Variants in TSPAN11 observed in about 807,000 individuals in gnomAD.
TSPAN11 encodes the protein tetraspanin-11.
TSPAN11 carries 29 observed loss-of-function variants against 32.9 expected under a neutral mutation model. That is an observed-to-expected ratio of 0.88 (90% CI 0.66 to 1.20). The LOEUF (loss-of-function observed/expected upper bound fraction) is 1.20. TSPAN11 is among the 50% of genes most tolerant of loss of function. The probability of loss-of-function intolerance (pLI) is 0.00; values close to 1 mark genes in which losing one functional copy is unlikely to be tolerated. For synonymous variants in TSPAN11, 140 were observed against 141.3 expected, an observed-to-expected ratio of 0.99 and a Z score of 0.07; for missense variants, 283 against 329.1, an observed-to-expected ratio of 0.86 and a Z score of 1.08.
chr12:31,007,332 C>T, the TSPAN11 span, among the ~76,000 whole-genome samples: 37 of 152,110 alleles, frequency 2.4e-4, no homozygotes, highest in African/African-American at 8.7e-4. Flanking sequence ...CACACCCAGA[C>T]CCACAAACCC....
At chr12:30,956,695 C>G (rs533282096) in intron 2 of TSPAN11, among the ~76,000 whole-genome samples, 4 of 146,464 alleles carry the variant, frequency 2.7e-5, no homozygotes, top group African/African-American at 1.0e-4. Context: ...CTGTGGCCAC[C>G]CAGGAGATGT....
chr12:30,949,083 C>T (rs906995091), intron 1 of TSPAN11, among the ~76,000 whole-genome samples: 2 of 152,190 alleles, frequency 1.3e-5, no homozygotes, highest in African/African-American at 2.4e-5. Context: ...CCAACAAGTT[C>T]CTCATCTCCA....
chr12:30,957,837 C>T (rs529930169), intron 2 of TSPAN11, among the ~76,000 whole-genome samples: 3 of 10,894 alleles, frequency 2.8e-4, no homozygotes, highest in Non-Finnish European at 5.7e-4. Context: ...CCCTCCCTCC[C>T]TCCTTCCTTC....
At chr12:31,001,375 C>A (rs1192832095), downstream of TSPAN11, among the ~76,000 whole-genome samples, 1 of 152,176 alleles carries the variant, frequency 6.6e-6, no homozygotes, top group Non-Finnish European at 1.5e-5. Flanking sequence ...GGGCCTCCTT[C>A]TCCCCAGGTT....
chr12:30,982,534 C>G lies in TSPAN11; in HGVS notation c.459C>G (p.Phe153Leu). The G allele has an allele frequency of 6.2e-7, 1 of 1,604,368 alleles. No homozygotes were observed. The highest frequency in any genetic ancestry group is 2.2e-5 in the East Asian group (1 of 44,592). The change falls in exon 6 of 8, where the codon TTC becomes TTG. Residue 153 changes from phenylalanine to leucine, a missense_variant and splice_region_variant. Transcript: ENST00000546076. ...TCTGCCTCTGCCTCTGCCTCCAGTT[C>G]AAGTGCTGTGGAAGCAACAGCTCAG... ...TASVDRLQQDFKCCGSNSSAD... is the reference protein window; with the variant it reads ...TASVDRLQQDLKCCGSNSSAD...
chr12:30,975,242 A>G lies in TSPAN11; in HGVS notation c.277-3319A>G, dbSNP rs1425927416. Among the ~76,000 whole-genome samples the G allele has an allele frequency of 1.3e-5, 2 of 152,146 alleles. No individual in the cohort carries two copies. The highest frequency in any genetic ancestry group is 1.3e-4 in the Admixed American group (2 of 15,280). ...AGAGGTGACAGGTCTGTCAGAGCCC[A>G]TGACCTCACCCGGCTGAAGTCCCAG... On this transcript the variant is annotated intron_variant, in intron 3 of 7. Coordinates refer to ENST00000546076, the MANE Select transcript of TSPAN11 (RefSeq NM_001370302.1). The surrounding 1 kb of genome is among the most constrained non-coding windows in gnomAD (Gnocchi z 4.5).
At chr12:30,963,692 A>AT (rs1938660832) in intron 2 of TSPAN11, 134 bp from the exon 3 acceptor site, 2 of 969,470 alleles carry the variant, frequency 2.1e-6, no homozygotes, top group Admixed American at 5.8e-5. Flanking sequence ...TTGGGTAACC[A>AT]TACCATTCTC....
At chr12:30,986,355 A>G (rs770637942) in intron 7 of TSPAN11, among the ~76,000 whole-genome samples, 2 of 152,192 alleles carry the variant, frequency 1.3e-5, no homozygotes, top group Non-Finnish European at 2.9e-5. Context: ...CTTACCTGTA[A>G]AATGGACAGA....
At position 30,942,218 on chromosome 12, in the gene TSPAN11, C is replaced by A. The variant is rs1938180569; in HGVS notation, c.-11-11763C>A. On this transcript the variant is annotated intron_variant, in intron 1 of 7. Coordinates refer to ENST00000546076, the MANE Select transcript of TSPAN11 (RefSeq NM_001370302.1). ...ATCATTCCTTTACCCTTGTCTGGCA[C>A]TGACGCCATAAAATTGAAGTGCATA... Among the ~76,000 whole-genome samples, 4 of 152,318 alleles carry A rather than the reference C, an allele frequency of 2.6e-5. No homozygotes were observed. The South Asian group carries it at 6.2e-4, about 24-fold the overall frequency.
At chr12:31,007,383 A>G in the TSPAN11 span, among the ~76,000 whole-genome samples, 1 of 151,768 alleles carries the variant, frequency 6.6e-6, no homozygotes, top group Non-Finnish European at 1.5e-5. Context: ...CCCCACTCCC[A>G]GAAACCCCAG....
intron 5 of TSPAN11, 138 bp downstream of exon 5, chr12:30,979,808 T>C: frequency 1.3e-6 from 1 of 798,998 alleles, no homozygotes; most frequent in South Asian, 1.7e-5. Flanking sequence ...AAATGAAGCC[T>C]CTTTAGGGCA....
At chr12:31,012,219 G>T in the TSPAN11 span, among the ~76,000 whole-genome samples, 2 of 152,354 alleles carry the variant, frequency 1.3e-5, no homozygotes, top group African/African-American at 4.8e-5. Context: ...TTTGGCCTCT[G>T]GGGGACAAAG....
intron 2 of TSPAN11, among the ~76,000 whole-genome samples, chr12:30,956,056 T>C (rs184593751): frequency 1.4e-4 from 21 of 152,234 alleles, no homozygotes; most frequent in Admixed American, 1.3e-3. Context: ...GTGACTTACA[T>C]TGTGGGAGTG....
chr12:30,959,987 G>T (rs926469194), intron 2 of TSPAN11, among the ~76,000 whole-genome samples: 17 of 151,712 alleles, frequency 1.1e-4, no homozygotes, highest in Non-Finnish European at 2.4e-4. Flanking sequence ...GGAGCCAGGA[G>T]CCGGGAGCCA....
chr12:30,932,832 A>G (rs1197272941), intron 1 of TSPAN11, among the ~76,000 whole-genome samples: 1 of 152,252 alleles, frequency 6.6e-6, no homozygotes, highest in Non-Finnish European at 1.5e-5. Flanking sequence ...TTTTGAAAGC[A>G]AATGAGAAAT....
the TSPAN11 span, among the ~76,000 whole-genome samples, chr12:31,004,280 C>T: frequency 5.3e-5 from 8 of 152,298 alleles, no homozygotes; most frequent in East Asian, 1.9e-4. Context: ...TCATCTCACA[C>T]GTCCGGTTGT....
chr12:30,990,318 C>A (rs960863501), intron 7 of TSPAN11, among the ~76,000 whole-genome samples: 14 of 152,172 alleles, frequency 9.2e-5, no homozygotes, highest in Non-Finnish European at 1.5e-5. Context: ...AGGAGACGTA[C>A]ATTGCAGGCG....
intron 1 of TSPAN11, among the ~76,000 whole-genome samples, chr12:30,946,492 G>A (rs1418737715): frequency 6.6e-6 from 1 of 152,178 alleles, no homozygotes. Context: ...TGGTTCAGCT[G>A]CCCCAGCTCA....
At chr12:30,948,342 C>G (rs1938311456) in intron 1 of TSPAN11, among the ~76,000 whole-genome samples, 1 of 152,358 alleles carries the variant, frequency 6.6e-6, no homozygotes, top group East Asian at 1.9e-4. Flanking sequence ...GGCTCTAACC[C>G]CACATTTCCC....
Sources: allele counts gnomAD v4.1 joint callset (sites outside exome capture counted in the v4.1 genomes callset), GRCh38; gene constraint gnomAD v4.1.1; non-coding constraint Gnocchi (gnomAD v3.1); transcripts MANE v1.5; gene names NCBI Gene and HGNC (gene_info 2026-07-23, HGNC 2026-07-21).